Variants in PTPRD observed in about 807,000 individuals in gnomAD.
PTPRD encodes the protein protein tyrosine phosphatase receptor type D.
In PTPRD, 34 loss-of-function variants were observed where a neutral mutation model predicts 214.5. That is an observed-to-expected ratio of 0.16 (90% CI 0.12 to 0.21). The LOEUF is 0.21. Ranked by LOEUF, PTPRD falls within the 10% of genes least tolerant of loss-of-function variation. The pLI is 1.00. For synonymous variants in PTPRD, 1,128 were observed against 845.7 expected, an observed-to-expected ratio of 1.33 and a Z score of -5.79; for missense variants, 2,545 against 2,398.7, an observed-to-expected ratio of 1.06 and a Z score of -1.27.
chr9:9,320,430 T>A (rs188518245), intron 9 of PTPRD, among the ~76,000 whole-genome samples: 14 of 152,276 alleles, frequency 9.2e-5, no homozygotes, highest in African/African-American at 3.4e-4. Context: ...TTTAGAAATA[T>A]ATTATCTAAT....
chr9:9,333,336 G>C (rs928487363), intron 9 of PTPRD, among the ~76,000 whole-genome samples: 1 of 151,396 alleles, frequency 6.6e-6, no homozygotes, highest in African/African-American at 2.4e-5. Flanking sequence ...ATGGAGCAAA[G>C]AATGCAAACA....
chr9:9,023,538 T>G (rs2099576564), intron 10 of PTPRD, among the ~76,000 whole-genome samples: 1 of 152,052 alleles, frequency 6.6e-6, no homozygotes, highest in Non-Finnish European at 1.5e-5. Flanking sequence ...TTATTTAATC[T>G]TAAATTTCAA....
chr9:8,401,443 G>A (rs909171793), intron 36 of PTPRD, among the ~76,000 whole-genome samples: 1 of 152,082 alleles, frequency 6.6e-6, no homozygotes, highest in Non-Finnish European at 1.5e-5. Context: ...GATGCCAATG[G>A]TAATTGGATT....
At chr9:10,538,407 T>C (rs1020378085) in intron 2 of PTPRD, among the ~76,000 whole-genome samples, 1 of 152,120 alleles carries the variant, frequency 6.6e-6, no homozygotes, top group African/African-American at 2.4e-5. Context: ...TAAGGATCTG[T>C]AACCATTTAC....
chr9:10,289,025 T>G (rs1012408336), intron 3 of PTPRD, among the ~76,000 whole-genome samples: 1 of 71,186 alleles, frequency 1.4e-5, no homozygotes, highest in Non-Finnish European at 2.4e-5. Context: ...GATGGAGAGT[T>G]TTTTTTTTTT....
chr9:8,641,612 G>C (rs1194344731), intron 12 of PTPRD, among the ~76,000 whole-genome samples: 1 of 133,426 alleles, frequency 7.5e-6, no homozygotes, highest in African/African-American at 4.1e-5. Flanking sequence ...TCACAACAGA[G>C]ACATGGCCGA....
intron 35 of PTPRD, among the ~76,000 whole-genome samples, chr9:8,426,940 A>G (rs1165130335): frequency 6.6e-6 from 1 of 152,168 alleles, no homozygotes; most frequent in Non-Finnish European, 1.5e-5. Flanking sequence ...CTATAAGCGC[A>G]TAGACATACG....
chr9:10,341,745 T>G (rs1057431838), intron 2 of PTPRD, among the ~76,000 whole-genome samples: 8 of 151,994 alleles, frequency 5.3e-5, no homozygotes, highest in African/African-American at 1.9e-4. Context: ...AAATAGCAAT[T>G]TGGTCTTCTT....
chr9:8,919,391 CAA>C (rs5896280), intron 11 of PTPRD, among the ~76,000 whole-genome samples: 9 of 133,984 alleles, frequency 6.7e-5, no homozygotes, highest in Admixed American at 1.5e-4. Flanking sequence ...GACCCTGTCT[CAA>C]AAAAAAAAAA....
intron 6 of PTPRD, among the ~76,000 whole-genome samples, chr9:9,754,850 C>A (rs1490445775): frequency 6.6e-6 from 1 of 152,012 alleles, no homozygotes; most frequent in Non-Finnish European, 1.5e-5. Context: ...CCAAACACAT[C>A]TTCAATAAAA....
intron 5 of PTPRD, among the ~76,000 whole-genome samples, chr9:9,871,066 T>C (rs2065285385): frequency 1.3e-5 from 2 of 152,158 alleles, no homozygotes; most frequent in Non-Finnish European, 2.9e-5. Flanking sequence ...AAATATGAAT[T>C]TACATTCTCT....
At chr9:9,647,899 C>A (rs2096237498) in intron 7 of PTPRD, among the ~76,000 whole-genome samples, 1 of 152,176 alleles carries the variant, frequency 6.6e-6, no homozygotes, top group Non-Finnish European at 1.5e-5. Context: ...CTGAGAAACA[C>A]TTAAGTCCCC....
intron 2 of PTPRD, among the ~76,000 whole-genome samples, chr9:10,372,855 A>ATTATT (rs33976967): frequency 1.9e-4 from 6 of 31,528 alleles, no homozygotes; most frequent in Non-Finnish European, 3.3e-4. Context: ...TATTATTATT[A>ATTATT]ATTATTATTA....
intron 12 of PTPRD, among the ~76,000 whole-genome samples, chr9:8,712,771 T>C (rs1392686232): frequency 6.6e-6 from 1 of 152,114 alleles, no homozygotes; most frequent in African/African-American, 2.4e-5. Flanking sequence ...CAGGCTGGAG[T>C]GCAGTGGCAC....
intron 30 of PTPRD, among the ~76,000 whole-genome samples, chr9:8,474,218 C>G (rs756749939): frequency 6.6e-6 from 1 of 152,164 alleles, no homozygotes; most frequent in Middle Eastern, 3.4e-3. Flanking sequence ...TTTTGAAGTT[C>G]ATGCAATCCA....
chr9:9,405,534 T>G (rs903174810), intron 8 of PTPRD, among the ~76,000 whole-genome samples: 3 of 152,060 alleles, frequency 2.0e-5, no homozygotes, highest in Non-Finnish European at 4.4e-5. Flanking sequence ...GGGGCATGCT[T>G]TATAACATTA....
rs549102369 is a variant in PTPRD at position 9,891,900 on chromosome 9, T to C, written c.-368+46607A>G. Among the ~76,000 whole-genome samples, 7 of 152,290 alleles carry C rather than the reference T, an allele frequency of 4.6e-5. No homozygotes were observed. The South Asian group carries it at 1.4e-3, about 32-fold the overall frequency. ...TGATTAAACAGGATTTAATGAGCTA[T>C]AAATTTAATTTAAAAACTAAAAGAC... On this transcript the variant is annotated intron_variant, in intron 5 of 45. Transcript: ENST00000381196.
chr9:9,750,816 T>G (rs888002897), intron 6 of PTPRD, among the ~76,000 whole-genome samples: 1 of 152,132 alleles, frequency 6.6e-6, no homozygotes, highest in Non-Finnish European at 1.5e-5. Flanking sequence ...TCCCCTCCCC[T>G]AATTCCTGAA....
chr9:9,470,864 G>A (rs534289159), intron 8 of PTPRD, among the ~76,000 whole-genome samples: 3 of 152,162 alleles, frequency 2.0e-5, no homozygotes, highest in South Asian at 4.2e-4. Flanking sequence ...TTTAAAATCA[G>A]GCAAGATAAA....
Sources: gnomAD v4.1 joint callset for allele counts (sites outside exome capture counted in the v4.1 genomes callset) on GRCh38, gnomAD v4.1.1 for gene constraint, MANE v1.5 for transcripts, NCBI Gene and HGNC (gene_info 2026-07-23, HGNC 2026-07-21) for gene names.